The following AGBL2 variants were observed in gnomAD, a reference collection of about 807,000 sequenced individuals.
The protein encoded by AGBL2 is cytosolic carboxypeptidase 2.
A neutral mutation model predicts 103.0 loss-of-function variants in AGBL2; 87 were observed. The ratio of observed to expected loss-of-function variants is 0.84; its 90% CI spans 0.71 to 1.01. The LOEUF is 1.01. Ranked by LOEUF, AGBL2 falls within the 50% of genes least tolerant of loss-of-function variation. The probability of loss-of-function intolerance (pLI) is 0.00; values close to 1 mark genes in which losing one functional copy is unlikely to be tolerated. For synonymous variants in AGBL2, 335 were observed against 356.7 expected, an observed-to-expected ratio of 0.94 and a Z score of 0.69; for missense variants, 904 against 1,023.5, an observed-to-expected ratio of 0.88 and a Z score of 1.59.
At chr11:47,667,426 G>T in intron 16 of AGBL2, 145 bp downstream of exon 16, 1 of 1,023,992 alleles carries the variant, frequency 9.8e-7, no homozygotes, top group East Asian at 2.4e-5. Flanking sequence ...CCCCTGGAAG[G>T]GTTCTGATCG....
intron 8 of AGBL2, among the ~76,000 whole-genome samples, chr11:47,695,486 A>C (rs1258522199): frequency 2.0e-5 from 3 of 149,908 alleles, no homozygotes; most frequent in Non-Finnish European, 4.5e-5. Flanking sequence ...AAAAAAAAAA[A>C]AAAAAAAAAC....
chr11:47,666,848 G>T (rs1448412429), intron 17 of AGBL2, 108 bp downstream of exon 17: 1 of 765,472 alleles, frequency 1.3e-6, no homozygotes, highest in Non-Finnish European at 2.3e-6. Context: ...GCACTGTCAG[G>T]TTAGGGTAAC....
At position 47,660,071 on chromosome 11, in the gene AGBL2, C is replaced by T; in HGVS notation, c.*102G>A. 1 of 1,323,148 alleles carries T rather than the reference C, an allele frequency of 7.6e-7. No homozygotes were observed. 82.0% of individuals were successfully genotyped at this position (1,323,148 alleles called of 1,614,324 possible). ...TGCATGAGTGCACAACACAGTATAC[C>T]ACAAGTAAATGCAGTTCCCAGTCAT... On this transcript the variant is annotated 3_prime_UTR_variant, in exon 19 of 19. Coordinates refer to ENST00000525123, the MANE Select transcript of AGBL2 (RefSeq NM_024783.4).
intron 3 of AGBL2, 51 bp from the exon 4 acceptor site, chr11:47,710,562 CTAA>C (rs2097533888): frequency 1.2e-6 from 2 of 1,607,696 alleles, no homozygotes; most frequent in Non-Finnish European, 1.7e-6. Flanking sequence ...CTCATCACTT[CTAA>C]CATCTAGGTC....
intron 10 of AGBL2, 39 bp downstream of exon 10, chr11:47,690,037 A>G (rs765479865): frequency 4.6e-6 from 7 of 1,537,986 alleles, no homozygotes; most frequent in Non-Finnish European, 4.4e-6. Flanking sequence ...GCTAGGACTC[A>G]TAGCAGTCAC....
intron 12 of AGBL2, among the ~76,000 whole-genome samples, chr11:47,681,002 T>G (rs1294279647): frequency 1.3e-5 from 2 of 152,090 alleles, no homozygotes; most frequent in African/African-American, 4.8e-5. Flanking sequence ...CACTAAGCAG[T>G]ACCTACAATG....
intron 13 of AGBL2, among the ~76,000 whole-genome samples, chr11:47,678,052 C>A (rs899446151): frequency 6.6e-6 from 1 of 151,840 alleles, no homozygotes; most frequent in East Asian, 1.9e-4. Context: ...CAACCTCCGC[C>A]CCCTGGGTTC....
At chr11:47,665,282 T>C (rs891899396) in intron 17 of AGBL2, among the ~76,000 whole-genome samples, 5 of 151,314 alleles carry the variant, frequency 3.3e-5, no homozygotes, top group African/African-American at 4.9e-5. Flanking sequence ...CCTGGTCTCA[T>C]GTGATCCACC....
intron 8 of AGBL2, among the ~76,000 whole-genome samples, chr11:47,696,017 A>C (rs1422903966): frequency 3.4e-5 from 1 of 29,152 alleles, no homozygotes; most frequent in Non-Finnish European, 6.1e-5. Context: ...ATACAAAAAA[A>C]AAAAAAAAAA....
At chr11:47,696,713 G>T (rs948294953) in intron 8 of AGBL2, among the ~76,000 whole-genome samples, 1 of 152,094 alleles carries the variant, frequency 6.6e-6, no homozygotes, top group Non-Finnish European at 1.5e-5. Context: ...TTGTCATAAA[G>T]TTGTTAATAG....
At chr11:47,661,155 C>T (rs1285988461) in intron 18 of AGBL2, among the ~76,000 whole-genome samples, 4 of 151,782 alleles carry the variant, frequency 2.6e-5, no homozygotes, top group Non-Finnish European at 5.9e-5. Context: ...AGAGCAAGAC[C>T]CTGTCTCAAA....
In AGBL2 at chr11:47,705,529, C is replaced by T; in HGVS notation, c.392G>A (p.Gly131Glu). ...GGCGTGGTGGCACATGCCTGTAATC[C>T]CAGCTACTCGGAAAGCTGAGGCAGG... ...DSPASAFRVA[G>E]ITDSHMLSLP... The change falls in exon 6 of 19, where the codon GGG (glycine) becomes GAG (glutamate). Residue 131 changes from glycine (G) to glutamate (E), a missense_variant. Coordinates refer to ENST00000525123, the MANE Select transcript of AGBL2 (RefSeq NM_024783.4). 1 of 363,084 alleles carries T rather than the reference C, an allele frequency of 2.8e-6. No individual in the cohort carries two copies. Among genetic ancestry groups the T allele is most frequent in the African/African-American group, 2.1e-5 (1 of 47,328 alleles). 22.5% of individuals were successfully genotyped at this position (363,084 alleles called of 1,614,324 possible).
At chr11:47,678,338 A>AT (rs1196435610) in intron 13 of AGBL2, among the ~76,000 whole-genome samples, 1 of 95,238 alleles carries the variant, frequency 1.0e-5, no homozygotes, top group Non-Finnish European at 2.2e-5. Context: ...TTATTTTATT[A>AT]TTTTATTTTT....
intron 14 of AGBL2, among the ~76,000 whole-genome samples, chr11:47,674,338 G>C (rs922846913): frequency 6.6e-6 from 1 of 152,128 alleles, no homozygotes; most frequent in Non-Finnish European, 1.5e-5. Flanking sequence ...GAGGTGGGCA[G>C]ATTGCCTGAG....
chr11:47,671,268 A>G (rs899296786), intron 14 of AGBL2, among the ~76,000 whole-genome samples: 13 of 152,054 alleles, frequency 8.5e-5, no homozygotes, highest in Admixed American at 2.6e-4. Context: ...TAATCCCAGC[A>G]CTTTGGGAGG....
At chr11:47,691,006 C>G in intron 9 of AGBL2, 148 bp from the exon 10 acceptor site, 1 of 704,796 alleles carries the variant, frequency 1.4e-6, no homozygotes, top group Non-Finnish European at 2.3e-6. Flanking sequence ...GTAATCCCAG[C>G]ACTTTGGGAG....
At position 47,705,879 on chromosome 11, in the gene AGBL2, C is replaced by T. The variant is rs144552854; in HGVS notation, c.271G>A (p.Glu91Lys). 2.7e-5 allele frequency: 43 copies of T among 1,613,888 alleles called. No individual in the cohort carries two copies. The African/African-American group carries it at 5.1e-4, about 19-fold the overall frequency. Residue 91 changes from glutamate to lysine, a missense_variant, in exon 5 of 19, where the codon GAA becomes AAA. Transcript: ENST00000525123. ...CATGAAATACCTCTGTTGATGGCTT[C>T]TATCTGTCTGTGCACAGCTGAAGAT... ...SLSSAVHRQIEAINRDFHSCL... is the reference protein window; with the variant it reads ...SLSSAVHRQIKAINRDFHSCL...
rs779216685 is a variant in AGBL2, at chr11:47,705,899, G to C, written c.251C>G (p.Ser84Ter). 1.7e-5 allele frequency: 28 copies of C among 1,613,964 alleles called. No individual in the cohort carries two copies. The highest frequency in any genetic ancestry group is 1.6e-4 in the Middle Eastern group (1 of 6,084). Residue 84 changes from serine (S) to a stop codon, truncating the protein, a stop_gained, in exon 5 of 19, where the codon TCA becomes TGA. Transcript: ENST00000525123. LOFTEE classifies it high-confidence loss of function. ...EKLLWPISLS[S>*]AVHRQIEAIN... ...GGCTTCTATCTGTCTGTGCACAGCT[G>C]AAGATAAACTGATAGGCCCTAGAAA...
At chr11:47,677,145 C>A in intron 14 of AGBL2, 126 bp downstream of exon 14, 1 of 758,710 alleles carries the variant, frequency 1.3e-6, no homozygotes, top group Non-Finnish European at 1.9e-6. Context: ...GTGTCTGGGA[C>A]TACAGGCATA....
Sources: gnomAD v4.1 joint callset for allele counts (sites outside exome capture counted in the v4.1 genomes callset) on GRCh38, gnomAD v4.1.1 for gene constraint, MANE v1.5 for transcripts, NCBI Gene and HGNC (gene_info 2026-07-23, HGNC 2026-07-21) for gene names.